Variants in ABI3BP observed in about 807,000 individuals in gnomAD.
ABI3BP encodes ABI family member 3 binding protein.
In ABI3BP, 216 loss-of-function variants were observed where a neutral mutation model predicts 268.6. That is an observed-to-expected ratio of 0.80 (90% CI 0.72 to 0.90). ABI3BP has a LOEUF of 0.90. Ranked by LOEUF, ABI3BP falls within the 40% of genes least tolerant of loss-of-function variation. ABI3BP has a pLI of 0.00. For synonymous variants in ABI3BP, 730 were observed against 730.0 expected (o/e 1.00, Z 0.00); for missense variants, 2,090 against 2,182.4 (o/e 0.96, Z 0.84).
intron 63 of ABI3BP, among the ~76,000 whole-genome samples, chr3:100,764,313 A>G (rs1402362447): frequency 6.6e-6 from 1 of 152,142 alleles, no homozygotes; most frequent in Non-Finnish European, 1.5e-5. Context: ...CAGAGTTCTC[A>G]CTACTTTGTG....
At chr3:100,900,159 G>A (rs1182589971) in intron 3 of ABI3BP, among the ~76,000 whole-genome samples, 5 of 152,196 alleles carry the variant, frequency 3.3e-5, no homozygotes, top group Non-Finnish European at 5.9e-5. Flanking sequence ...TTGGAAACAC[G>A]GGTTTATTCT....
At chr3:100,864,214 C>T in intron 11 of ABI3BP, 138 bp from the exon 12 acceptor site, 1 of 655,732 alleles carries the variant, frequency 1.5e-6, no homozygotes, top group Admixed American at 2.4e-5. Context: ...AAATAACCTT[C>T]CCTGGAAAAG....
chr3:100,880,221 T>C (rs2099212965), intron 6 of ABI3BP, among the ~76,000 whole-genome samples: 1 of 152,150 alleles, frequency 6.6e-6, no homozygotes, highest in Non-Finnish European at 1.5e-5. Flanking sequence ...CCCCGCAGGC[T>C]CCCACACTGT....
intron 50 of ABI3BP, 81 bp downstream of exon 50, chr3:100,808,080 C>T: frequency 8.1e-7 from 1 of 1,227,332 alleles, no homozygotes; most frequent in Non-Finnish European, 1.2e-6. Flanking sequence ...AATCTGCTAT[C>T]ATAACTATTA....
Position 100,926,362 on chromosome 3 carries a change from C to A in ABI3BP, c.199G>T (p.Val67Leu), listed in dbSNP as rs2061808543. The A allele has an allele frequency of 6.2e-7, 1 of 1,613,540 alleles. No individual in the cohort carries two copies. Among genetic ancestry groups the A allele is most frequent in the Non-Finnish European group, 8.5e-7 (1 of 1,179,652 alleles). Residue 67 changes from valine to leucine, a missense_variant, in exon 2 of 68, where the codon GTA becomes TTA. Physicochemically the swap from Val to Leu is conservative, Grantham distance 32. Coordinates refer to ENST00000471714, the MANE Select transcript of ABI3BP (RefSeq NM_001375547.2). The part of the protein sequence containing the change: ...EGLLLGYGSN[V>L]SPNQYFPLPA... ...AGAGGGAAGTACTGGTTTGGTGATA[C>A]ATTGCTGCCATATCCCAGGAGAAGA...
At position 100,771,307 on chromosome 3, in the gene ABI3BP, T is replaced by A. The variant is rs774313356; in HGVS notation, c.4532-355A>T. ...CACAGTTCTGGTCCCACTCAATAAA[T>A]TTTAAAAACTAGACTCAAAAGAATC... On this transcript the variant is annotated intron_variant, in intron 61 of 67. Transcript: ENST00000471714. Among the ~76,000 whole-genome samples the A allele has an allele frequency of 3.3e-5, 5 of 152,244 alleles. 1 individual carries two copies. The Middle Eastern group carries it at 0.014, about 414-fold the overall frequency.
intron 41 of ABI3BP, 95 bp from the exon 42 acceptor site, chr3:100,817,590 G>GT (rs1458152864): frequency 5.2e-6 from 5 of 969,896 alleles, no homozygotes; most frequent in East Asian, 2.8e-5. Context: ...AGTAAGGCTT[G>GT]TTTTTTGCAG....
intron 49 of ABI3BP, 106 bp from the exon 50 acceptor site, chr3:100,808,341 A>G: frequency 5.4e-6 from 4 of 740,890 alleles, no homozygotes; most frequent in Non-Finnish European, 8.4e-6. Flanking sequence ...AGACCTAAAT[A>G]CTCAACAATG....
chr3:100,845,067 A>G (rs2098751562), intron 20 of ABI3BP, among the ~76,000 whole-genome samples: 1 of 152,210 alleles, frequency 6.6e-6, no homozygotes, highest in Admixed American at 6.6e-5. Context: ...TTATGTTGTA[A>G]TAACAGAAAT....
At chr3:100,811,652 C>T in intron 47 of ABI3BP, 76 bp downstream of exon 47, 3 of 1,412,836 alleles carry the variant, frequency 2.1e-6, no homozygotes, top group Non-Finnish European at 1.9e-6. Flanking sequence ...CTTGAACTTT[C>T]ATATTCCGTG....
intron 13 of ABI3BP, 184 bp from the exon 14 acceptor site, chr3:100,862,569 T>C: frequency 1.7e-6 from 1 of 589,068 alleles, no homozygotes; most frequent in Non-Finnish European, 3.0e-6. Flanking sequence ...ATTTGATTAG[T>C]GGTCAGAGAG....
At chr3:100,770,144 T>C (rs1377102744) in intron 62 of ABI3BP, among the ~76,000 whole-genome samples, 1 of 152,206 alleles carries the variant, frequency 6.6e-6, no homozygotes, top group Non-Finnish European at 1.5e-5. Flanking sequence ...GCTAGTCTTT[T>C]TTCATCCTCC....
chr3:100,864,875 G>C lies in ABI3BP; in HGVS notation c.1021C>G (p.Pro341Ala). The change falls in exon 11 of 68, where the codon CCC (proline) becomes GCC (alanine). Residue 341 changes from proline (P) to alanine (A), a missense_variant. Coordinates refer to ENST00000471714, the MANE Select transcript of ABI3BP (RefSeq NM_001375547.2). ...TPETVPRSTK[P>A]TTSSALDVSE... ...ACATCTAATGCACTAGACGTAGTGG[G>C]TTTAGTGCTTCTTGGAACTGTTTCA... The C allele has an allele frequency of 6.2e-7, 1 of 1,608,886 alleles. No individual in the cohort carries two copies. The highest frequency in any genetic ancestry group is 8.5e-7 in the Non-Finnish European group (1 of 1,178,384).
At chr3:100,758,853 G>A (rs947860290) in intron 63 of ABI3BP, among the ~76,000 whole-genome samples, 1 of 152,190 alleles carries the variant, frequency 6.6e-6, no homozygotes, top group Admixed American at 6.5e-5. Flanking sequence ...ACTGTTAAGA[G>A]ACAAGAACCT....
At chr3:100,800,732 G>C (rs1376314637) in intron 51 of ABI3BP, among the ~76,000 whole-genome samples, 1 of 152,158 alleles carries the variant, frequency 6.6e-6, no homozygotes, top group East Asian at 1.9e-4. Flanking sequence ...TCCCGCCTCA[G>C]CCTCCCAAAG....
intron 2 of ABI3BP, among the ~76,000 whole-genome samples, chr3:100,921,294 G>A (rs991386268): frequency 2.6e-5 from 4 of 152,130 alleles, no homozygotes; most frequent in African/African-American, 9.7e-5. Context: ...ATTCTTCAAC[G>A]TGCACCACAT....
intron 17 of ABI3BP, 103 bp downstream of exon 17, chr3:100,849,942 A>G (rs1289202114): frequency 4.1e-6 from 4 of 979,862 alleles, no homozygotes; most frequent in Non-Finnish European, 1.6e-6. Context: ...AATATTTAGC[A>G]AAAACAAACA....
intron 63 of ABI3BP, among the ~76,000 whole-genome samples, chr3:100,755,340 C>T (rs908158383): frequency 6.6e-6 from 1 of 152,170 alleles, no homozygotes; most frequent in Non-Finnish European, 1.5e-5. Flanking sequence ...GTAGACTAAG[C>T]TATGGGAATA....
chr3:100,770,957 G>A lies in ABI3BP; in HGVS notation c.4532-5C>T, dbSNP rs1239751541. ...GGATGTATCGCACATGAGGTCCTAC[G>A]AGAGAGAGGACCCTTGACATTTAAC... is the stretch of plus-strand genomic sequence containing the variant. On this transcript the variant is annotated splice_polypyrimidine_tract_variant and splice_region_variant and intron_variant, in intron 61 of 67. Transcript: ENST00000471714. 16 of 1,542,634 alleles carry A rather than the reference G, an allele frequency of 1.0e-5. No homozygotes were observed. The highest frequency in any genetic ancestry group is 4.8e-5 in the East Asian group (2 of 41,498).
Sources: allele counts gnomAD v4.1 joint callset (sites outside exome capture counted in the v4.1 genomes callset), GRCh38; gene constraint gnomAD v4.1.1; transcripts MANE v1.5; gene names NCBI Gene and HGNC (gene_info 2026-07-23, HGNC 2026-07-21).